RAE1: variants seen among roughly 807,000 people sequenced by gnomAD.
RAE1 encodes mRNA export factor RAE1.
A neutral mutation model predicts 52.7 loss-of-function variants in RAE1; 13 were observed. The observed-to-expected ratio is 0.25, with a 90% CI of 0.16 to 0.39. RAE1 has a LOEUF of 0.39. RAE1 is among the 10% of genes least tolerant of loss of function. The pLI, the probability that RAE1 is intolerant of heterozygous loss-of-function variation, is 1.00. For synonymous variants in RAE1, 164 were observed against 153.1 expected (o/e 1.07, Z -0.52); for missense variants, 262 against 459.8 (o/e 0.57, Z 3.93).
intron 8 of RAE1, 141 bp downstream of exon 8, chr20:57,368,953 T>A (rs1022948428): frequency 1.5e-6 from 1 of 669,990 alleles, no homozygotes; most frequent in Non-Finnish European, 2.6e-6. Context: ...TAAACACAAA[T>A]ACTTAGTGAG....
chr20:57,356,504 A>T lies in RAE1; in HGVS notation c.254A>T (p.His85Leu). The part of the protein sequence containing the change: ...GQTIPKAQQM[H>L]TGPVLDVCWS... ...ACCATTCCAAAAGCCCAGCAGATGC[A>T]CACTGGGCCTGTGCTTGATGTCTGC... The change falls in exon 4 of 12, where the codon CAC becomes CTC. Residue 85 changes from histidine (H) to leucine (L), a missense_variant. Transcript: ENST00000395841. 6.2e-7 allele frequency: 1 copy of T among 1,613,404 alleles called. No individual in the cohort carries two copies. The highest frequency in any genetic ancestry group is 8.5e-7 in the Non-Finnish European group (1 of 1,179,506).
chr20:57,359,194 C>T (rs553066929), intron 4 of RAE1: 1 of 435,930 alleles, frequency 2.3e-6, no homozygotes, highest in Non-Finnish European at 3.9e-6. Context: ...GTAAGATTTG[C>T]TGAGTTCCTT....
At chr20:57,360,264 T>C (rs1003324039) in intron 4 of RAE1, among the ~76,000 whole-genome samples, 10 of 152,218 alleles carry the variant, frequency 6.6e-5, no homozygotes, top group Non-Finnish European at 1.2e-4. Context: ...TTAGATTTCA[T>C]AAGGCTGTCA....
chr20:57,375,026 T>C (rs1218097588), intron 11 of RAE1: 2 of 709,318 alleles, frequency 2.8e-6, no homozygotes, highest in African/African-American at 1.7e-5. Flanking sequence ...GCTCGGCCAG[T>C]GTGAGCCATT....
intron 7 of RAE1, among the ~76,000 whole-genome samples, chr20:57,368,205 A>G (rs1198046676): frequency 6.6e-6 from 1 of 152,220 alleles, no homozygotes. Flanking sequence ...TTTATGTAAT[A>G]TAGTGAAACA....
Position 57,354,020 on chromosome 20 carries a change from A to T in RAE1, c.-7-12A>T. On this transcript the variant is annotated splice_polypyrimidine_tract_variant and intron_variant, in intron 1 of 11. Transcript: ENST00000395841. ...AGAAAACCCATCCTTAACATTTTTCATTACTTTTTAGGTTCAAAATGAGCC... is the reference window on the plus strand; with the variant it reads ...AGAAAACCCATCCTTAACATTTTTCTTTACTTTTTAGGTTCAAAATGAGCC... The T allele has an allele frequency of 6.2e-7, 1 of 1,606,998 alleles. No homozygotes were observed. The highest frequency in any genetic ancestry group is 8.5e-7 in the Non-Finnish European group (1 of 1,175,282).
chr20:57,368,698 TC>T lies in RAE1; in HGVS notation c.535-4del, dbSNP rs2066992302. 1 of 1,598,726 alleles carries T rather than the reference TC, an allele frequency of 6.3e-7. No homozygotes were observed. Among genetic ancestry groups the T allele is most frequent in the African/African-American group, 1.3e-5 (1 of 74,560 alleles). ...GAAGCGCATCTCTGTTTTCTTCCAT[TC>T]CCTAGATATACCCCATGGCTGTGGT... On this transcript the variant is annotated splice_polypyrimidine_tract_variant and splice_region_variant and intron_variant, in intron 7 of 11. Transcript: ENST00000395841.
At chr20:57,354,613 A>C (rs2146126909) in intron 2 of RAE1, 99 bp from the exon 3 acceptor site, 5 of 790,238 alleles carry the variant, frequency 6.3e-6, no homozygotes, top group South Asian at 6.3e-5. Context: ...GTTCTTGTAC[A>C]CAAGGAAAGG....
At chr20:57,356,923 G>T (rs934797647) in intron 4 of RAE1, among the ~76,000 whole-genome samples, 1 of 152,324 alleles carries the variant, frequency 6.6e-6, no homozygotes. Context: ...AGCTGTAGAC[G>T]GGCCTCGGCC....
At chr20:57,358,865 T>C in intron 4 of RAE1, 2 of 1,006,116 alleles carry the variant, frequency 2.0e-6, no homozygotes, top group South Asian at 5.7e-5. Flanking sequence ...CCAACCAAAA[T>C]TTTTAATGCA....
intron 4 of RAE1, among the ~76,000 whole-genome samples, chr20:57,364,064 T>C (rs935777051): frequency 2.6e-5 from 4 of 152,202 alleles, no homozygotes; most frequent in African/African-American, 4.8e-5. Context: ...GAGTCGGAGC[T>C]ACCCGGGAGA....
chr20:57,353,940 A>T, intron 1 of RAE1, 92 bp from the exon 2 acceptor site: 2 of 1,136,756 alleles, frequency 1.8e-6, no homozygotes, highest in Non-Finnish European at 2.6e-6. Context: ...AGCCACTTTG[A>T]GTATTTCTCT....
At chr20:57,352,973 T>A (rs549460905) in intron 1 of RAE1, among the ~76,000 whole-genome samples, 36 of 152,370 alleles carry the variant, frequency 2.4e-4, no homozygotes, top group Admixed American at 2.0e-3. Flanking sequence ...TTGTAGCTGT[T>A]GCTCTGACCT....
intron 8 of RAE1, among the ~76,000 whole-genome samples, chr20:57,370,898 C>G (rs1041477392): frequency 5.3e-5 from 8 of 152,184 alleles, no homozygotes; most frequent in Non-Finnish European, 2.9e-5. Flanking sequence ...CTGCCCCTCT[C>G]GGCCACCACC....
In RAE1 at chr20:57,351,389, C is replaced by A; in HGVS notation, c.-41C>A. 1.0e-6 allele frequency: 1 copy of A among 985,508 alleles called. No homozygotes were observed. The highest frequency in any genetic ancestry group is 1.2e-6 in the Non-Finnish European group (1 of 829,988). The allele number at this position is 985,508 out of a possible 1,614,324, so 61.0% of individuals were successfully genotyped here. On this transcript the variant is annotated 5_prime_UTR_variant, in exon 1 of 12. Transcript: ENST00000395841. ...CAAACTCCTCAGACCCTTCTGCTCCCGGCCGCCGCTTTCCGCCGGGGCGAG... is the reference window on the plus strand; with the variant it reads ...CAAACTCCTCAGACCCTTCTGCTCCAGGCCGCCGCTTTCCGCCGGGGCGAG...
At chr20:57,352,842 C>G (rs925423534) in intron 1 of RAE1, among the ~76,000 whole-genome samples, 1 of 152,208 alleles carries the variant, frequency 6.6e-6, no homozygotes, top group African/African-American at 2.4e-5. Context: ...ATTGCAGAAG[C>G]CTTGTCATGC....
chr20:57,356,353 A>G (rs769699433), intron 3 of RAE1, 93 bp from the exon 4 acceptor site: 28 of 867,058 alleles, frequency 3.2e-5, no homozygotes, highest in Non-Finnish European at 4.9e-5. Context: ...AAGTCTATGT[A>G]TGGTTAAGGT....
intron 8 of RAE1, 94 bp downstream of exon 8, chr20:57,368,906 C>A: frequency 9.8e-7 from 1 of 1,023,466 alleles, no homozygotes; most frequent in Non-Finnish European, 1.5e-6. Context: ...TTTGTAAAAC[C>A]TGTAAGTATG....
chr20:57,365,415 C>T lies in RAE1; in HGVS notation c.348C>T (p.Ser116=). 6.2e-7 allele frequency: 1 copy of T among 1,610,316 alleles called. No homozygotes were observed. Among genetic ancestry groups the T allele is most frequent in the African/African-American group, 1.3e-5 (1 of 74,966 alleles). Residue 116 remains serine (S), a synonymous_variant, in exon 5 of 12, where the codon AGC becomes AGT. Coordinates refer to ENST00000395841, the MANE Select transcript of RAE1 (RefSeq NM_003610.4). ...CDKTAKMWDL[S]SNQAIQIAQH... is the part of the protein sequence containing the mutation. Reference sequence around the variant, plus strand: ...AAACTGCCAAAATGTGGGACCTCAGCAGTAACCAAGCGATACAGATCGCAC... The same window carrying T: ...AAACTGCCAAAATGTGGGACCTCAGTAGTAACCAAGCGATACAGATCGCAC...
Sources: allele counts gnomAD v4.1 joint callset (sites outside exome capture counted in the v4.1 genomes callset), GRCh38; gene constraint gnomAD v4.1.1; transcripts MANE v1.5; gene names NCBI Gene and HGNC (gene_info 2026-07-23, HGNC 2026-07-21).